PTN: variants seen among roughly 807,000 people sequenced by gnomAD.
PTN encodes the protein heparin affin regulatory protein.
Under a neutral mutation model 24.1 loss-of-function variants are expected in PTN, and 18 were observed. The ratio of observed to expected loss-of-function variants is 0.75; its 90% CI spans 0.52 to 1.11. The LOEUF is 1.11. PTN is among the 50% of genes least tolerant of loss of function. PTN has a pLI of 0.00. For synonymous variants in PTN, 78 were observed against 68.6 expected (o/e 1.14, Z -0.67); for missense variants, 163 against 198.8 (o/e 0.82, Z 1.08).
At chr7:137,233,159 C>T (rs142744081) in intron 4 of PTN, among the ~76,000 whole-genome samples, 158 of 151,894 alleles carry the variant, frequency 1.0e-3, no homozygotes, top group African/African-American at 3.5e-3. Flanking sequence ...TAAATGCTAA[C>T]GTATTAAGTG....
At chr7:137,315,545 C>T (rs902112667) in intron 1 of PTN, among the ~76,000 whole-genome samples, 11 of 152,234 alleles carry the variant, frequency 7.2e-5, no homozygotes, top group African/African-American at 2.4e-4. Flanking sequence ...TCAGTTCTCT[C>T]GTGGGCAAGT....
chr7:137,295,856 A>G (rs547306894), intron 1 of PTN, among the ~76,000 whole-genome samples: 1 of 152,116 alleles, frequency 6.6e-6, no homozygotes, highest in East Asian at 1.9e-4. Flanking sequence ...GAGCAAACAG[A>G]TAAAGAAACT....
intron 1 of PTN, chr7:137,325,387 A>G (rs750713734): frequency 6.6e-6 from 1 of 152,202 alleles, no homozygotes; most frequent in Non-Finnish European, 1.5e-5. Context: ...CTCCCTAGGA[A>G]GAAGGATGCC....
chr7:137,336,962 G>C (rs1203696097), intron 1 of PTN, among the ~76,000 whole-genome samples: 1 of 152,198 alleles, frequency 6.6e-6, no homozygotes, highest in African/African-American at 2.4e-5. Flanking sequence ...CACGGTCACA[G>C]AGCTACTAAG....
At chr7:137,296,630 G>A (rs1415413393) in intron 1 of PTN, among the ~76,000 whole-genome samples, 1 of 151,946 alleles carries the variant, frequency 6.6e-6, no homozygotes, top group Admixed American at 6.6e-5. Context: ...CAATTGTTTG[G>A]GGATTTCTGT....
At chr7:137,274,223 C>T (rs377393522) in intron 1 of PTN, among the ~76,000 whole-genome samples, 1 of 152,128 alleles carries the variant, frequency 6.6e-6, no homozygotes, top group African/African-American at 2.4e-5. Flanking sequence ...CCAGCTGTGC[C>T]TAGAGCAGCT....
rs541270386 is a variant in PTN at position 137,284,345 on chromosome 7, T to G, written c.-1-29371A>C. 2.6e-5 allele frequency among the ~76,000 whole-genome samples: 4 copies of G among 152,220 alleles called. No homozygotes were observed. The South Asian group carries it at 8.3e-4, about 32-fold the overall frequency. Reference sequence around the variant, plus strand: ...CCCGGTCTTCTGAAGTTCTGCACAGTTACCATGTCAAAAAGGAAGAGGTCT... The same window carrying G: ...CCCGGTCTTCTGAAGTTCTGCACAGGTACCATGTCAAAAAGGAAGAGGTCT... On this transcript the variant is annotated intron_variant, in intron 1 of 4. Transcript: ENST00000348225.
At chr7:137,335,643 A>G (rs1810434428) in intron 1 of PTN, among the ~76,000 whole-genome samples, 1 of 152,180 alleles carries the variant, frequency 6.6e-6, no homozygotes, top group South Asian at 2.1e-4. Flanking sequence ...GTCACCTGGG[A>G]GCTTGGCAGA....
intron 1 of PTN, among the ~76,000 whole-genome samples, chr7:137,272,777 A>T (rs1707744618): frequency 6.6e-6 from 1 of 152,258 alleles, no homozygotes; most frequent in Admixed American, 6.5e-5. Context: ...ACATAAAGGA[A>T]GTAGAGAATA....
chr7:137,298,817 G>A (rs1022332702), intron 1 of PTN, among the ~76,000 whole-genome samples: 16 of 151,846 alleles, frequency 1.1e-4, no homozygotes, highest in Admixed American at 7.9e-4. Context: ...TTCAACTTGC[G>A]AGCAAAGAAA....
intron 4 of PTN, among the ~76,000 whole-genome samples, chr7:137,248,408 A>G (rs1201077103): frequency 1.3e-5 from 2 of 152,124 alleles, no homozygotes; most frequent in Non-Finnish European, 2.9e-5. Context: ...TCTTTTTTCC[A>G]GGCACAGTGG....
chr7:137,324,372 T>C (rs973382477), intron 1 of PTN, among the ~76,000 whole-genome samples: 6 of 135,958 alleles, frequency 4.4e-5, no homozygotes, highest in Non-Finnish European at 9.1e-5. Flanking sequence ...TGCCTGTGAA[T>C]AGCAACTGCA....
Position 137,269,624 on chromosome 7 carries a change from A to ATTTTTTTTTTTTTT in PTN, c.-1-14664_-1-14651dup, listed in dbSNP as rs869311084. 6.5e-4 allele frequency among the ~76,000 whole-genome samples: 41 copies of ATTTTTTTTTTTTTT among 63,010 alleles called. 10 individuals are homozygous for ATTTTTTTTTTTTTT. Among genetic ancestry groups the ATTTTTTTTTTTTTT allele is most frequent in the African/African-American group, 2.9e-3 (39 of 13,424 alleles). The allele number at this position is 63,010 out of a possible 152,430, so 41.3% of individuals were successfully genotyped here. ...TGCTATCTGTCAAGCTGCTTCATCTATTTTTTTTTTTTTTTTTTTTTTTTT... is the reference window on the plus strand; with the variant it reads ...TGCTATCTGTCAAGCTGCTTCATCTATTTTTTTTTTTTTTTTTTTTTTTTTTTTTTTTTTTTTTT... On this transcript the variant is annotated intron_variant, in intron 1 of 4. Coordinates refer to ENST00000348225, the MANE Select transcript of PTN (RefSeq NM_002825.7).
At chr7:137,229,730 G>A (rs188733107) in intron 4 of PTN, among the ~76,000 whole-genome samples, 7 of 151,730 alleles carry the variant, frequency 4.6e-5, no homozygotes, top group East Asian at 3.9e-4. Context: ...AACTTTTCAC[G>A]CTCTCTATTT....
At chr7:137,228,255 G>C (rs540823597) in intron 4 of PTN, among the ~76,000 whole-genome samples, 180 bp from the exon 5 acceptor site, 4 of 151,786 alleles carry the variant, frequency 2.6e-5, no homozygotes, top group Admixed American at 6.6e-5. Flanking sequence ...GTGTGTGTGT[G>C]TGTCTGTCTG....
chr7:137,335,085 C>T (rs975248551), intron 1 of PTN, among the ~76,000 whole-genome samples: 1 of 148,608 alleles, frequency 6.7e-6, no homozygotes, highest in Admixed American at 6.7e-5. Context: ...GGAGATATAC[C>T]TAATGCTAAA....
At chr7:137,231,349 C>T (rs936082040) in intron 4 of PTN, among the ~76,000 whole-genome samples, 2 of 151,754 alleles carry the variant, frequency 1.3e-5, no homozygotes, top group African/African-American at 4.8e-5. Flanking sequence ...AGTGTTCCTT[C>T]TCCTACTACC....
chr7:137,243,795 C>G (rs1031872978), intron 4 of PTN, among the ~76,000 whole-genome samples: 1 of 152,094 alleles, frequency 6.6e-6, no homozygotes, highest in Non-Finnish European at 1.5e-5. Context: ...GGCGGACCTT[C>G]CAGTGTTCAG....
chr7:137,343,410 C>CCGAGAAAT (rs769761661), intron 1 of PTN, 29 bp downstream of exon 1: 20 of 496,398 alleles, frequency 4.0e-5, no homozygotes, highest in Non-Finnish European at 8.1e-5. Context: ...GAAGAGCCCT[C>CCGAGAAAT]CGAGAAATCG....
Sources: gnomAD v4.1 joint callset for allele counts (sites outside exome capture counted in the v4.1 genomes callset) on GRCh38, gnomAD v4.1.1 for gene constraint, MANE v1.5 for transcripts, NCBI Gene and HGNC (gene_info 2026-07-23, HGNC 2026-07-21) for gene names.